The following ARNT2 variants were observed in gnomAD, a reference collection of about 807,000 sequenced individuals.
ARNT2 encodes aryl hydrocarbon receptor nuclear translocator 2.
ARNT2 carries 36 observed loss-of-function variants against 91.7 expected under a neutral mutation model. The ratio of observed to expected loss-of-function variants is 0.39; its 90% CI spans 0.30 to 0.52. ARNT2 has a LOEUF of 0.52. ARNT2 is among the 20% of genes least tolerant of loss of function. ARNT2 has a pLI of 0.72. For missense variants in ARNT2, 775 were observed against 939.3 expected, an observed-to-expected ratio of 0.83 and a Z score of 2.29; for synonymous variants, 365 against 347.1, an observed-to-expected ratio of 1.05 and a Z score of -0.57.
At chr15:80,429,472 C>T (rs1423414767) in intron 1 of ARNT2, among the ~76,000 whole-genome samples, 1 of 152,210 alleles carries the variant, frequency 6.6e-6, no homozygotes, top group South Asian at 2.1e-4. Context: ...ATGGAGGCTC[C>T]ACCCACCCCA....
At position 80,404,448 on chromosome 15, in the gene ARNT2, T is replaced by C. The variant is rs1210160922; in HGVS notation, c.-68T>C. 2 of 1,102,076 alleles carry C rather than the reference T, an allele frequency of 1.8e-6. No homozygotes were observed. Among genetic ancestry groups the C allele is most frequent in the Non-Finnish European group, 2.3e-6 (2 of 880,458 alleles). 68.3% of individuals were successfully genotyped at this position (1,102,076 alleles called of 1,614,324 possible). On this transcript the variant is annotated 5_prime_UTR_variant, in exon 1 of 19. Coordinates refer to ENST00000303329, the MANE Select transcript of ARNT2 (RefSeq NM_014862.4). The surrounding 1 kb of genome is among the most constrained non-coding windows in gnomAD (Gnocchi z 5.5). ...CTGGGCCTGACCGGGTCCCCGGGGC[T>C]GAGCGCCGGGCTCCGCGCCGCCCCT...
chr15:80,421,684 G>T (rs1895863681), intron 1 of ARNT2, among the ~76,000 whole-genome samples: 2 of 152,096 alleles, frequency 1.3e-5, no homozygotes, highest in Admixed American at 6.5e-5. Flanking sequence ...TTCCAGCTTG[G>T]CTGTTTAAAC....
At chr15:80,501,573 T>C (rs1897192855) in intron 5 of ARNT2, among the ~76,000 whole-genome samples, 1 of 152,252 alleles carries the variant, frequency 6.6e-6, no homozygotes, top group Non-Finnish European at 1.5e-5. Context: ...CCTGAGGCCT[T>C]GCTCTGTGCA....
intron 18 of ARNT2, among the ~76,000 whole-genome samples, 187 bp from the exon 19 acceptor site, chr15:80,593,413 C>G (rs1473501593): frequency 1.3e-5 from 2 of 152,230 alleles, no homozygotes; most frequent in Admixed American, 6.5e-5. Flanking sequence ...CTGGGGAGAA[C>G]AGTTTCCCCG....
chr15:80,533,924 T>A (rs1420645021), intron 8 of ARNT2, among the ~76,000 whole-genome samples: 1 of 152,256 alleles, frequency 6.6e-6, no homozygotes, highest in Non-Finnish European at 1.5e-5. Flanking sequence ...CCTCACTGTG[T>A]CTTTATTTTT....
At chr15:80,547,592 CTT>C (rs916534315) in intron 8 of ARNT2, among the ~76,000 whole-genome samples, 26 of 152,148 alleles carry the variant, frequency 1.7e-4, no homozygotes, top group African/African-American at 5.6e-4. Flanking sequence ...GTTATTATAA[CTT>C]ATGTATTTAG....
chr15:80,462,592 C>G (rs770623663), intron 3 of ARNT2, among the ~76,000 whole-genome samples: 5 of 152,210 alleles, frequency 3.3e-5, no homozygotes, highest in Admixed American at 2.0e-4. Context: ...AAGGAGTTCT[C>G]GTATCTGTTG....
At chr15:80,510,666 T>C (rs1372194037) in intron 6 of ARNT2, among the ~76,000 whole-genome samples, 3 of 151,826 alleles carry the variant, frequency 2.0e-5, no homozygotes, top group African/African-American at 7.3e-5. Context: ...CCGTCTCTAC[T>C]AAAAATAGAA....
intron 8 of ARNT2, among the ~76,000 whole-genome samples, chr15:80,542,504 C>T (rs1393024830): frequency 1.3e-5 from 2 of 152,186 alleles, no homozygotes; most frequent in African/African-American, 4.8e-5. Context: ...TTCTGCTCCT[C>T]AATATCTGAG....
At chr15:80,519,420 G>A (rs534847220) in intron 8 of ARNT2, among the ~76,000 whole-genome samples, 82 of 152,284 alleles carry the variant, frequency 5.4e-4, no homozygotes, top group Middle Eastern at 6.8e-3. Context: ...GGGGGCAGGG[G>A]GCTGCGGTAA....
intron 9 of ARNT2, among the ~76,000 whole-genome samples, chr15:80,552,298 G>T (rs1225258904): frequency 6.6e-6 from 1 of 152,234 alleles, no homozygotes; most frequent in Non-Finnish European, 1.5e-5. Context: ...GGTGGGGGAA[G>T]AGAAGGGGAT....
intron 8 of ARNT2, among the ~76,000 whole-genome samples, chr15:80,517,249 A>G (rs1897452026): frequency 2.0e-5 from 3 of 152,146 alleles, no homozygotes; most frequent in Admixed American, 2.0e-4. Flanking sequence ...ACTTTGTTTC[A>G]GTGCTTTAAA....
chr15:80,556,294 G>T (rs7182835), intron 11 of ARNT2: 76,940 of 151,608 alleles, frequency 0.51, 20,981 homozygotes, highest in African/African-American at 0.71. Context: ...AATAAATAAA[G>T]AAAGAAAAAT....
chr15:80,514,883 C>A (rs1263861037), intron 8 of ARNT2, among the ~76,000 whole-genome samples: 2 of 152,118 alleles, frequency 1.3e-5, no homozygotes, highest in South Asian at 4.1e-4. Flanking sequence ...AAGACCCCAT[C>A]TCAAAAAAAC....
rs534972630 is a variant in ARNT2 at position 80,430,868 on chromosome 15, T to C, written c.32-20012T>C. On this transcript the variant is annotated intron_variant, in intron 1 of 18. Transcript: ENST00000303329. ...CACAGATATGCAAATCCAGCACTGATCTTCCCTTAGTGGACTAACCTATGA... is the reference window on the plus strand; with the variant it reads ...CACAGATATGCAAATCCAGCACTGACCTTCCCTTAGTGGACTAACCTATGA... Among the ~76,000 whole-genome samples, 5 of 152,178 alleles carry C rather than the reference T, an allele frequency of 3.3e-5. No homozygotes were observed. In the East Asian group the frequency reaches 9.7e-4, roughly 29 times the overall value.
intron 1 of ARNT2, among the ~76,000 whole-genome samples, chr15:80,425,173 G>A (rs1056067747): frequency 6.6e-6 from 1 of 152,200 alleles, no homozygotes; most frequent in Non-Finnish European, 1.5e-5. Context: ...GATGAGCAGA[G>A]ACTCAAACAT....
chr15:80,583,189 G>A (rs761717519), intron 17 of ARNT2, among the ~76,000 whole-genome samples: 9 of 152,244 alleles, frequency 5.9e-5, no homozygotes, highest in Non-Finnish European at 1.3e-4. Context: ...GGTCTGCGTG[G>A]GGGCCCTTGT....
intron 1 of ARNT2, among the ~76,000 whole-genome samples, chr15:80,420,419 G>T (rs1423480910): frequency 6.6e-6 from 1 of 152,110 alleles, no homozygotes; most frequent in Admixed American, 6.6e-5. Context: ...TAATTTATTG[G>T]ATATATACTG....
intron 8 of ARNT2, among the ~76,000 whole-genome samples, chr15:80,528,848 T>C (rs1897688540): frequency 6.6e-6 from 1 of 152,188 alleles, no homozygotes; most frequent in South Asian, 2.1e-4. Flanking sequence ...CTATTTTCTT[T>C]ATAAATTACC....
Sources: allele counts gnomAD v4.1 joint callset (sites outside exome capture counted in the v4.1 genomes callset), GRCh38; gene constraint gnomAD v4.1.1; non-coding constraint Gnocchi (gnomAD v3.1); transcripts MANE v1.5; gene names NCBI Gene and HGNC (gene_info 2026-07-23, HGNC 2026-07-21).